SLC30A7: variants seen among roughly 807,000 people sequenced by gnomAD.
SLC30A7 encodes the protein solute carrier family 30 member 7, also known as zinc transporter 7.
In SLC30A7, 35 loss-of-function variants were observed where a neutral mutation model predicts 46.0. The observed-to-expected ratio is 0.76, with a 90% CI of 0.58 to 1.01. The LOEUF (loss-of-function observed/expected upper bound fraction) is 1.01. SLC30A7 is among the 50% of genes least tolerant of loss of function. The probability of loss-of-function intolerance (pLI) is 0.00; values close to 1 mark genes in which losing one functional copy is unlikely to be tolerated. For missense variants in SLC30A7, 464 were observed against 451.1 expected, an observed-to-expected ratio of 1.03 and a Z score of -0.26; for synonymous variants, 147 against 157.8, an observed-to-expected ratio of 0.93 and a Z score of 0.51.
intron 2 of SLC30A7, 61 bp downstream of exon 2, chr1:100,896,732 T>C (rs1557969657): frequency 1.4e-5 from 19 of 1,392,164 alleles, no homozygotes; most frequent in East Asian, 2.3e-5. Flanking sequence ...AAGCACTGTT[T>C]GCTTAATGCC....
intron 8 of SLC30A7, among the ~76,000 whole-genome samples, chr1:100,936,069 T>C (rs1202927764): frequency 6.6e-6 from 1 of 151,956 alleles, no homozygotes; most frequent in African/African-American, 2.4e-5. Context: ...TAAATTGTCT[T>C]CTTTTCATTT....
chr1:100,930,583 A>AT (rs140761167), intron 8 of SLC30A7, among the ~76,000 whole-genome samples: 18,029 of 148,074 alleles, frequency 0.12, 1,223 homozygotes, highest in Non-Finnish European at 0.16. Context: ...AAAAGTAAGC[A>AT]TTTTTTTTTT....
chr1:100,902,409 AT>A (rs1452073752), intron 2 of SLC30A7, among the ~76,000 whole-genome samples: 1 of 152,098 alleles, frequency 6.6e-6, no homozygotes, highest in African/African-American at 2.4e-5. Context: ...TTTTATTTTT[AT>A]TTTTTGCATT....
At position 100,948,936 on chromosome 1, in the gene SLC30A7, C is replaced by T. The variant is rs151031086; in HGVS notation, c.843-12892C>T. 5.9e-5 allele frequency among the ~76,000 whole-genome samples: 9 copies of T among 152,308 alleles called. No individual in the cohort carries two copies. In the East Asian group the frequency reaches 1.7e-3, roughly 29 times the overall value. On this transcript the variant is annotated intron_variant, in intron 8 of 10. Transcript: ENST00000357650. ...ACTGTTTAGTTAGTCATTCATCTAA[C>T]CTTTTTTCAAGGTTTTTAACTTCCT... is the stretch of plus-strand genomic sequence containing the variant.
At chr1:100,904,186 C>T (rs1156405418) in intron 2 of SLC30A7, among the ~76,000 whole-genome samples, 1 of 152,158 alleles carries the variant, frequency 6.6e-6, no homozygotes, top group African/African-American at 2.4e-5. Flanking sequence ...AACCCAGGTA[C>T]TCTGACTTCA....
the SLC30A7 span, chr1:100,990,087 C>T: frequency 2.2e-5 from 7 of 313,718 alleles, no homozygotes; most frequent in Admixed American, 1.4e-4. Context: ...GTTTAATTTT[C>T]GACTCACAGT....
intron 8 of SLC30A7, among the ~76,000 whole-genome samples, chr1:100,954,932 A>G (rs1342915420): frequency 6.6e-6 from 1 of 151,996 alleles, no homozygotes; most frequent in African/African-American, 2.4e-5. Flanking sequence ...TATTTTTAAA[A>G]TTTATTTTTA....
In SLC30A7 at chr1:100,954,976, T is replaced by A. The variant is rs59693595; in HGVS notation, c.843-6852T>A. On this transcript the variant is annotated intron_variant, in intron 8 of 10. Transcript: ENST00000357650. ...ATTTTCTTTCTTTGTGTTTGTAGATTGTAAGAACCCCTACAATATATAGGA... is the reference window on the plus strand; with the variant it reads ...ATTTTCTTTCTTTGTGTTTGTAGATAGTAAGAACCCCTACAATATATAGGA... Among the ~76,000 whole-genome samples, 1,321 of 152,168 alleles carry A rather than the reference T, an allele frequency of 8.7e-3. 15 individuals carry two copies. The highest frequency in any genetic ancestry group is 0.029 in the African/African-American group (1,192 of 41,570).
At chr1:100,910,999 A>G in intron 3 of SLC30A7, 64 bp from the exon 4 acceptor site, 1 of 1,303,546 alleles carries the variant, frequency 7.7e-7, no homozygotes, top group South Asian at 1.2e-5. Context: ...AATGTATGTA[A>G]TTTTACGATT....
intron 8 of SLC30A7, among the ~76,000 whole-genome samples, chr1:100,958,859 G>T (rs1260837397): frequency 6.6e-6 from 1 of 152,136 alleles, no homozygotes; most frequent in Admixed American, 6.5e-5. Flanking sequence ...TAATTATCAC[G>T]CAATGTAGTA....
At chr1:100,915,222 TTTC>T (rs1652441453) in intron 6 of SLC30A7, among the ~76,000 whole-genome samples, 5 of 146,042 alleles carry the variant, frequency 3.4e-5, no homozygotes, top group African/African-American at 5.2e-5. Context: ...TCTTTCTTTC[TTTC>T]TTTCTTTCTT....
At chr1:100,945,548 T>A (rs1654585543) in intron 8 of SLC30A7, among the ~76,000 whole-genome samples, 1 of 152,256 alleles carries the variant, frequency 6.6e-6, no homozygotes, top group South Asian at 2.1e-4. Flanking sequence ...TAGGGAATCC[T>A]TTCCCCATTT....
the SLC30A7 span, chr1:100,990,724 G>T: frequency 3.3e-6 from 4 of 1,197,390 alleles, no homozygotes; most frequent in Non-Finnish European, 4.7e-6. Flanking sequence ...TACATTTCAA[G>T]AAGCCCCAAA....
At chr1:100,970,042 T>G (rs1033735846) in intron 10 of SLC30A7, among the ~76,000 whole-genome samples, 2 of 152,186 alleles carry the variant, frequency 1.3e-5, no homozygotes, top group African/African-American at 4.8e-5. Flanking sequence ...CTTATAAATT[T>G]TACTTATCAA....
chr1:100,899,397 A>G (rs1234690375), intron 2 of SLC30A7, among the ~76,000 whole-genome samples: 1 of 152,236 alleles, frequency 6.6e-6, no homozygotes, highest in Non-Finnish European at 1.5e-5. Context: ...GGAAAATGGT[A>G]GAAATTCTAT....
chr1:100,966,459 A>G (rs1655881018), intron 10 of SLC30A7, among the ~76,000 whole-genome samples: 1 of 150,552 alleles, frequency 6.6e-6, no homozygotes, highest in African/African-American at 2.5e-5. Context: ...GTGACAGGCG[A>G]CTGTGGTTCC....
chr1:100,916,118 TA>T (rs1359651933), intron 6 of SLC30A7, among the ~76,000 whole-genome samples: 4 of 151,884 alleles, frequency 2.6e-5, no homozygotes, highest in African/African-American at 7.2e-5. Context: ...ATTACTTTTT[TA>T]TTTTTTTAAT....
intron 8 of SLC30A7, among the ~76,000 whole-genome samples, chr1:100,924,051 A>G (rs1035197356): frequency 6.6e-6 from 1 of 152,198 alleles, no homozygotes; most frequent in African/African-American, 2.4e-5. Context: ...ATTATGTCTT[A>G]CCTGGAAAAC....
intron 3 of SLC30A7, among the ~76,000 whole-genome samples, chr1:100,907,911 T>G (rs546692388): frequency 6.3e-4 from 96 of 152,212 alleles, no homozygotes; most frequent in Non-Finnish European, 1.2e-3. Flanking sequence ...TCTCTCTTCC[T>G]TCTTCTGTCC....
Sources: allele counts gnomAD v4.1 joint callset (sites outside exome capture counted in the v4.1 genomes callset), GRCh38; gene constraint gnomAD v4.1.1; transcripts MANE v1.5; gene names NCBI Gene and HGNC (gene_info 2026-07-23, HGNC 2026-07-21).